The following EPB41L4A variants were observed in gnomAD, a reference collection of about 807,000 sequenced individuals.
EPB41L4A encodes band 4.1-like protein 4A.
Under a neutral mutation model 108.6 loss-of-function variants are expected in EPB41L4A, and 100 were observed. That is an observed-to-expected ratio of 0.92 (90% CI 0.78 to 1.09). EPB41L4A has a LOEUF of 1.09. Among genes scored for constraint, EPB41L4A ranks in the 50% least tolerant of loss-of-function variants. The probability of loss-of-function intolerance (pLI) is 0.00; values close to 1 mark genes in which losing one functional copy is unlikely to be tolerated. For missense variants in EPB41L4A, 1,030 were observed against 842.7 expected (o/e 1.22, Z -2.75); for synonymous variants, 319 against 289.0 (o/e 1.10, Z -1.05).
chr5:112,244,339 TGATCACA>T (rs1750038205), intron 9 of EPB41L4A, among the ~76,000 whole-genome samples: 1 of 152,200 alleles, frequency 6.6e-6, no homozygotes, highest in Non-Finnish European at 1.5e-5. Context: ...CAAAGATCAC[TGATCACA>T]GATCACTATT....
chr5:112,273,362 C>T (rs1752402079), intron 4 of EPB41L4A, among the ~76,000 whole-genome samples: 3 of 152,102 alleles, frequency 2.0e-5, no homozygotes, highest in Non-Finnish European at 4.4e-5. Flanking sequence ...CCATGTATTC[C>T]GTTAATGAGC....
At chr5:112,323,843 A>C (rs1156871457) in intron 1 of EPB41L4A, among the ~76,000 whole-genome samples, 1 of 152,216 alleles carries the variant, frequency 6.6e-6, no homozygotes, top group East Asian at 1.9e-4. Flanking sequence ...CAAACTGAAC[A>C]GTGGATTTAT....
chr5:112,236,145 ATTTT>A (rs1048592933), intron 11 of EPB41L4A, among the ~76,000 whole-genome samples: 10 of 152,064 alleles, frequency 6.6e-5, no homozygotes, highest in Admixed American at 6.6e-5. Context: ...TCACAGTCAG[ATTTT>A]TTTTATTATT....
At chr5:112,219,276 T>C (rs1385373903) in intron 12 of EPB41L4A, among the ~76,000 whole-genome samples, 1 of 152,162 alleles carries the variant, frequency 6.6e-6, no homozygotes, top group Non-Finnish European at 1.5e-5. Context: ...ATTCTCGTGA[T>C]AGTGAGTGAA....
chr5:112,371,772 A>C (rs2112547787), intron 1 of EPB41L4A, among the ~76,000 whole-genome samples: 1 of 152,250 alleles, frequency 6.6e-6, no homozygotes, highest in East Asian at 1.9e-4. Context: ...GATGAAGAAC[A>C]CTCACCTCTT....
At chr5:112,361,671 T>C (rs1653968349) in intron 1 of EPB41L4A, among the ~76,000 whole-genome samples, 1 of 149,762 alleles carries the variant, frequency 6.7e-6, no homozygotes, top group Non-Finnish European at 1.5e-5. Flanking sequence ...AGAAAAATAG[T>C]AGAAGTAAAA....
intron 1 of EPB41L4A, among the ~76,000 whole-genome samples, chr5:112,408,011 C>A (rs542218968): frequency 5.3e-5 from 8 of 152,282 alleles, no homozygotes; most frequent in African/African-American, 1.9e-4. Context: ...TTACCCACAT[C>A]TACCTTACCA....
chr5:112,399,287 A>G (rs1313324972), intron 1 of EPB41L4A, among the ~76,000 whole-genome samples: 1 of 151,880 alleles, frequency 6.6e-6, no homozygotes, highest in East Asian at 1.9e-4. Context: ...CAGCCCAAAC[A>G]TCCCATTCTC....
intron 13 of EPB41L4A, among the ~76,000 whole-genome samples, chr5:112,205,757 A>G (rs1762442994): frequency 6.6e-6 from 1 of 152,130 alleles, no homozygotes; most frequent in Non-Finnish European, 1.5e-5. Flanking sequence ...AGGTCCATCA[A>G]TTGTTAAGAA....
intron 2 of EPB41L4A, among the ~76,000 whole-genome samples, chr5:112,293,369 T>TTC (rs1753779722): frequency 1.0e-5 from 1 of 98,888 alleles, no homozygotes; most frequent in African/African-American, 6.5e-5. Context: ...TCCCTCCTTT[T>TTC]AATTTAGTTT....
At chr5:112,200,551 A>G (rs1045958279) in intron 15 of EPB41L4A, among the ~76,000 whole-genome samples, 1 of 152,210 alleles carries the variant, frequency 6.6e-6, no homozygotes, top group African/African-American at 2.4e-5. Flanking sequence ...CCAAAGGACA[A>G]CAACTTTGTC....
intron 1 of EPB41L4A, among the ~76,000 whole-genome samples, chr5:112,396,666 C>T (rs1290807642): frequency 1.3e-5 from 2 of 152,188 alleles, no homozygotes; most frequent in African/African-American, 4.8e-5. Flanking sequence ...ACTCTCAGTT[C>T]CTCACCACAC....
intron 2 of EPB41L4A, among the ~76,000 whole-genome samples, chr5:112,291,499 G>A (rs992941137): frequency 6.6e-6 from 1 of 152,098 alleles, no homozygotes; most frequent in East Asian, 1.9e-4. Flanking sequence ...TGAAATGTTG[G>A]GAGTGTTAGG....
Position 112,156,696 on chromosome 5 carries a change from C to T in EPB41L4A, n.994+1705G>A, listed in dbSNP as rs184081769. Among the ~76,000 whole-genome samples the T allele has an allele frequency of 2.8e-4, 43 of 152,288 alleles. 1 individual carries two copies. The highest frequency in any genetic ancestry group is 1.1e-3 in the Admixed American group (17 of 15,304). ...TTGATACATAAAATCGACTATCACA[C>T]ATACCATTTTCATATAGATGTCAAC... On this transcript the variant is annotated intron_variant and non_coding_transcript_variant, in intron 12 of 13. Coordinates refer to the EPB41L4A transcript ENST00000507810.
At chr5:112,400,237 G>A (rs989365812) in intron 1 of EPB41L4A, among the ~76,000 whole-genome samples, 16 of 152,136 alleles carry the variant, frequency 1.1e-4, no homozygotes, top group Non-Finnish European at 2.1e-4. Context: ...GATCTCATGA[G>A]AACTCACTCA....
intron 1 of EPB41L4A, among the ~76,000 whole-genome samples, chr5:112,312,595 TCTTAA>T (rs1242690333): frequency 6.6e-6 from 1 of 152,160 alleles, no homozygotes; most frequent in East Asian, 1.9e-4. Flanking sequence ...CATGAAAACC[TCTTAA>T]CTTTTCATCT....
At chr5:112,188,252 G>T (rs4958009) in intron 17 of EPB41L4A, among the ~76,000 whole-genome samples, 115,671 of 151,924 alleles carry the variant, frequency 0.76, 44,431 homozygotes, top group East Asian at 1. Context: ...CTAGGGAAAT[G>T]TATGTTGGTT....
Position 112,169,121 on chromosome 5 carries a change from A to G in EPB41L4A, c.1740-16T>C. 6.3e-7 allele frequency: 1 copy of G among 1,577,784 alleles called. No homozygotes were observed. Among genetic ancestry groups the G allele is most frequent in the Non-Finnish European group, 8.7e-7 (1 of 1,146,810 alleles). ...ACCTTGTGTCCTGAACAAGCAACCA[A>G]GAAACATGAAAACAAACACCCAAAG... On this transcript the variant is annotated splice_polypyrimidine_tract_variant and intron_variant, in intron 20 of 22. Transcript: ENST00000261486.
chr5:112,214,491 C>T (rs1046420659), intron 12 of EPB41L4A, among the ~76,000 whole-genome samples: 53 of 151,830 alleles, frequency 3.5e-4, no homozygotes, highest in African/African-American at 1.3e-3. Flanking sequence ...CAGCCGGGCG[C>T]GGCGGCTCAC....
Sources: gnomAD v4.1 joint callset for allele counts (sites outside exome capture counted in the v4.1 genomes callset) on GRCh38, gnomAD v4.1.1 for gene constraint, MANE v1.5 for transcripts, NCBI Gene and HGNC (gene_info 2026-07-23, HGNC 2026-07-21) for gene names.